The following NBAS variants were observed in gnomAD, a reference collection of about 807,000 sequenced individuals.
NBAS encodes the protein NBAS subunit of NRZ tethering complex, also known as NAG/BC035112 fusion.
NBAS carries 219 observed loss-of-function variants against 302.5 expected under a neutral mutation model. The observed-to-expected ratio is 0.72, with a 90% CI of 0.65 to 0.81. NBAS has a LOEUF of 0.81. Ranked by LOEUF, NBAS falls within the 30% of genes least tolerant of loss-of-function variation. The pLI is 0.00. For missense variants in NBAS, 2,932 were observed against 2,841.6 expected (o/e 1.03, Z -0.72); for synonymous variants, 1,118 against 1,021.6 (o/e 1.09, Z -1.80).
intron 21 of NBAS, among the ~76,000 whole-genome samples, chr2:15,450,647 T>C (rs933661967): frequency 2.0e-5 from 3 of 152,244 alleles, no homozygotes; most frequent in Non-Finnish European, 2.9e-5. Flanking sequence ...ATATAATTCC[T>C]TTATATGGAA....
chr2:15,127,115 C>T, the NBAS span, among the ~76,000 whole-genome samples: 1 of 152,156 alleles, frequency 6.6e-6, no homozygotes, highest in African/African-American at 2.4e-5. Context: ...GGATCCTGCA[C>T]TTGGTTTAAT....
At chr2:15,403,891 GTGTGTGTGTC>G (rs1238707056) in intron 25 of NBAS, among the ~76,000 whole-genome samples, 7 of 143,384 alleles carry the variant, frequency 4.9e-5, no homozygotes, top group South Asian at 2.3e-4. Flanking sequence ...GTGTGTGTGT[GTGTGTGTGTC>G]TATACACTTT....
chr2:15,528,570 T>C (rs1663046864), intron 9 of NBAS, among the ~76,000 whole-genome samples: 1 of 149,746 alleles, frequency 6.7e-6, no homozygotes, highest in Admixed American at 6.7e-5. Flanking sequence ...ATCAGTAAAA[T>C]ATATATGCAT....
At chr2:15,252,371 G>A (rs1665629904) in intron 44 of NBAS, among the ~76,000 whole-genome samples, 1 of 152,056 alleles carries the variant, frequency 6.6e-6, no homozygotes, top group Non-Finnish European at 1.5e-5. Context: ...GGTGGCGCGT[G>A]CCTGTAATCC....
At chr2:15,057,694 G>C in the NBAS span, among the ~76,000 whole-genome samples, 1 of 152,154 alleles carries the variant, frequency 6.6e-6, no homozygotes, top group Non-Finnish European at 1.5e-5. Flanking sequence ...TTCCATTCCT[G>C]AGTTACTTCA....
At chr2:15,497,505 C>T (rs1456368301) in intron 11 of NBAS, among the ~76,000 whole-genome samples, 4 of 152,074 alleles carry the variant, frequency 2.6e-5, no homozygotes. Flanking sequence ...CTCCCTTTGG[C>T]AAAAGGATGG....
At chr2:15,162,941 A>C (rs1338205626), downstream of NBAS, among the ~76,000 whole-genome samples, 3 of 152,220 alleles carry the variant, frequency 2.0e-5, no homozygotes, top group Non-Finnish European at 4.4e-5. Flanking sequence ...CTTGCATTTG[A>C]ATGCTCTTCT....
chr2:15,014,121 C>T, the NBAS span, among the ~76,000 whole-genome samples: 1 of 151,934 alleles, frequency 6.6e-6, no homozygotes, highest in Non-Finnish European at 1.5e-5. Flanking sequence ...AATATATATC[C>T]ACCCAACACT....
At chr2:15,535,800 C>A (rs567990612) in intron 8 of NBAS, among the ~76,000 whole-genome samples, 1 of 152,044 alleles carries the variant, frequency 6.6e-6, no homozygotes, top group Non-Finnish European at 1.5e-5. Flanking sequence ...AAATGCAGAA[C>A]CCACAGATAC....
chr2:14,786,353 C>A, the NBAS span, among the ~76,000 whole-genome samples: 1 of 151,892 alleles, frequency 6.6e-6, no homozygotes, highest in Non-Finnish European at 1.5e-5. Context: ...TTATTTCTTG[C>A]CTTCTGCTAG....
At chr2:14,976,745 G>C in the NBAS span, among the ~76,000 whole-genome samples, 6 of 152,162 alleles carry the variant, frequency 3.9e-5, no homozygotes, top group South Asian at 1.2e-3. Context: ...CCTTGCAAGA[G>C]ACAGGAAAAG....
At chr2:14,915,629 C>G in the NBAS span, among the ~76,000 whole-genome samples, 1 of 152,120 alleles carries the variant, frequency 6.6e-6, no homozygotes, top group Non-Finnish European at 1.5e-5. Flanking sequence ...GTGGCGTAAT[C>G]TTGGCTCACT....
At chr2:15,109,473 G>A in the NBAS span, among the ~76,000 whole-genome samples, 2 of 152,144 alleles carry the variant, frequency 1.3e-5, no homozygotes, top group African/African-American at 4.8e-5. Context: ...ATGGAACTAT[G>A]GGGTGCTATG....
At chr2:14,920,534 T>C in the NBAS span, among the ~76,000 whole-genome samples, 4 of 152,164 alleles carry the variant, frequency 2.6e-5, no homozygotes, top group African/African-American at 4.8e-5. Context: ...AAGTCTTAGA[T>C]AGTATCATTT....
At chr2:15,064,421 A>C in the NBAS span, among the ~76,000 whole-genome samples, 8 of 152,088 alleles carry the variant, frequency 5.3e-5, no homozygotes, top group Non-Finnish European at 1.2e-4. Context: ...CCTAGGTGAA[A>C]TGTATAAATT....
chr2:15,229,927 A>G (rs1014037899), intron 47 of NBAS, among the ~76,000 whole-genome samples: 3 of 152,160 alleles, frequency 2.0e-5, no homozygotes, highest in Non-Finnish European at 4.4e-5. Context: ...CCTGCCAGGA[A>G]TATTGTGGGA....
chr2:15,144,964 C>A, the NBAS span, among the ~76,000 whole-genome samples: 1 of 151,294 alleles, frequency 6.6e-6, no homozygotes, highest in African/African-American at 2.5e-5. Context: ...TTAGAGGCTA[C>A]TAGAACTACT....
the NBAS span, among the ~76,000 whole-genome samples, chr2:14,954,912 C>T: frequency 1.3e-5 from 2 of 152,172 alleles, no homozygotes; most frequent in Non-Finnish European, 2.9e-5. Flanking sequence ...CTCCTGACCC[C>T]TTCCAAATCT....
the NBAS span, among the ~76,000 whole-genome samples, chr2:15,108,689 C>T: frequency 6.6e-6 from 1 of 152,084 alleles, no homozygotes; most frequent in Non-Finnish European, 1.5e-5. Context: ...CTTATATCCG[C>T]CCGTGTGAAG....
Sources: allele counts gnomAD v4.1 joint callset (sites outside exome capture counted in the v4.1 genomes callset), GRCh38; gene constraint gnomAD v4.1.1; transcripts MANE v1.5; gene names NCBI Gene and HGNC (gene_info 2026-07-23, HGNC 2026-07-21).